The following AFF1 variants were observed in gnomAD, a reference collection of about 807,000 sequenced individuals.
The protein encoded by AFF1 is AF4/FMR2 family member 1.
A neutral mutation model predicts 121.7 loss-of-function variants in AFF1; 48 were observed. The observed-to-expected ratio is 0.39, with a 90% CI of 0.31 to 0.50. The LOEUF (loss-of-function observed/expected upper bound fraction) is 0.50, where lower values mean the gene tolerates loss of function less well. Among genes scored for constraint, AFF1 ranks in the 20% least tolerant of loss-of-function variants. AFF1 has a pLI of 0.76. For synonymous variants in AFF1, 613 were observed against 563.0 expected, an observed-to-expected ratio of 1.09 and a Z score of -1.26; for missense variants, 1,523 against 1,511.7, an observed-to-expected ratio of 1.01 and a Z score of -0.12.
chr4:86,976,592 A>G (rs1723319112), intron 2 of AFF1, among the ~76,000 whole-genome samples: 2 of 152,304 alleles, frequency 1.3e-5, no homozygotes, highest in East Asian at 3.9e-4. Context: ...AAAGAAGGGA[A>G]CAACAGACCC....
intron 2 of AFF1, among the ~76,000 whole-genome samples, chr4:86,985,030 T>C (rs1158154302): frequency 1.3e-5 from 2 of 149,756 alleles, no homozygotes; most frequent in Middle Eastern, 3.5e-3. Flanking sequence ...AGAAAAGAGA[T>C]ACAAACAAAA....
intron 4 of AFF1, among the ~76,000 whole-genome samples, chr4:87,082,007 AG>A (rs1723232159): frequency 1.3e-5 from 2 of 152,138 alleles, no homozygotes; most frequent in African/African-American, 4.8e-5. Context: ...AGTCTCTTGA[AG>A]GGTGTGGCTT....
intron 12 of AFF1, among the ~76,000 whole-genome samples, chr4:87,123,817 G>T (rs190934365): frequency 4.0e-4 from 61 of 152,298 alleles, no homozygotes; most frequent in African/African-American, 1.2e-3. Context: ...GGAAAACTGG[G>T]ACCTCCCACA....
chr4:86,961,626 C>T (rs1374422271), intron 2 of AFF1, among the ~76,000 whole-genome samples: 1 of 149,694 alleles, frequency 6.7e-6, no homozygotes, highest in Non-Finnish European at 1.5e-5. Flanking sequence ...ACTACTGAGT[C>T]ATATGGCAGG....
intron 2 of AFF1, among the ~76,000 whole-genome samples, chr4:87,011,689 A>G (rs1249151750): frequency 1.3e-5 from 2 of 151,032 alleles, no homozygotes; most frequent in African/African-American, 5.0e-5. Context: ...TTCTTGTGAC[A>G]CCATTGTAAA....
chr4:86,972,918 A>G (rs1400934605), intron 2 of AFF1, among the ~76,000 whole-genome samples: 3 of 152,208 alleles, frequency 2.0e-5, no homozygotes, highest in African/African-American at 4.8e-5. Context: ...AAAGTGCATT[A>G]GTAACCCCCA....
intron 12 of AFF1, among the ~76,000 whole-genome samples, chr4:87,122,881 TA>T (rs3036188): frequency 0.35 from 33,541 of 96,240 alleles, 5,055 homozygotes; most frequent in South Asian, 0.48. Context: ...GGAAAATTAG[TA>T]AAAAAAAAAA....
At chr4:87,018,000 C>A (rs946097262) in intron 2 of AFF1, among the ~76,000 whole-genome samples, 6 of 151,728 alleles carry the variant, frequency 4.0e-5, no homozygotes, top group Non-Finnish European at 5.9e-5. Context: ...CCTTTATGAG[C>A]CTTTCAAGTG....
At position 86,935,079 on chromosome 4, in the gene AFF1, C is replaced by T. The variant is rs914616008; in HGVS notation, c.-198C>T. On this transcript the variant is annotated 5_prime_UTR_variant, in exon 1 of 21. Coordinates refer to ENST00000395146, the MANE Select transcript of AFF1 (RefSeq NM_001166693.3). ...GGCCGCCGCCTGCGCGCGTTGCGGC[C>T]GCAGCTGCACCTTTGCCTCCGCGGT... 1.2e-4 allele frequency: 19 copies of T among 152,194 alleles called. No individual in the cohort carries two copies. Among genetic ancestry groups the T allele is most frequent in the Non-Finnish European group, 1.6e-4 (11 of 67,992 alleles). The allele number at this position is 152,194 out of a possible 1,614,324, so 9.4% of individuals were successfully genotyped here.
At position 86,949,534 on chromosome 4, in the gene AFF1, ATTATTTTTTT is replaced by A. The variant is rs149756210; in HGVS notation, c.38+966_38+975del. On this transcript the variant is annotated intron_variant, in intron 2 of 20. Coordinates refer to ENST00000395146, the MANE Select transcript of AFF1 (RefSeq NM_001166693.3). ...TTTCTATTTATTAATTATTATTATT[ATTATTTTTTT>A]TTTTTTTTTTTTCCCGACTGGGGCA... is the stretch of plus-strand genomic sequence containing the variant. 728 of 347,350 alleles carry A rather than the reference ATTATTTTTTT, an allele frequency of 2.1e-3. 6 individuals carry two copies. The African/African-American group carries it at 0.021, about 10-fold the overall frequency. 21.5% of individuals were successfully genotyped at this position (347,350 alleles called of 1,614,324 possible).
At chr4:86,944,529 A>G (rs1438854524) in intron 1 of AFF1, among the ~76,000 whole-genome samples, 2 of 152,074 alleles carry the variant, frequency 1.3e-5, no homozygotes, top group African/African-American at 4.8e-5. Context: ...TATTTTTAGT[A>G]GAGATGGGGT....
intron 2 of AFF1, among the ~76,000 whole-genome samples, chr4:87,023,274 T>C (rs1027802817): frequency 1.3e-5 from 2 of 152,284 alleles, no homozygotes; most frequent in African/African-American, 2.4e-5. Context: ...TGTTTAGTTT[T>C]TGTTTTTTGG....
chr4:87,077,524 T>G (rs1246459634), intron 4 of AFF1, among the ~76,000 whole-genome samples: 1 of 152,148 alleles, frequency 6.6e-6, no homozygotes, highest in African/African-American at 2.4e-5. Flanking sequence ...AGGTCAGAAT[T>G]TAAAAGGTTA....
chr4:87,040,381 G>A (rs1730011378), intron 2 of AFF1, among the ~76,000 whole-genome samples: 1 of 152,106 alleles, frequency 6.6e-6, no homozygotes, highest in Admixed American at 6.5e-5. Context: ...ACCTTTTTGA[G>A]ACTAAAGAAA....
intron 12 of AFF1, among the ~76,000 whole-genome samples, chr4:87,123,285 A>G (rs1727899749): frequency 6.6e-6 from 1 of 152,208 alleles, no homozygotes; most frequent in African/African-American, 2.4e-5. Context: ...CATCAGTAAA[A>G]AAATCAATAT....
chr4:87,025,489 A>G (rs756334703), intron 2 of AFF1, among the ~76,000 whole-genome samples: 8 of 152,150 alleles, frequency 5.3e-5, no homozygotes, highest in Admixed American at 1.3e-4. Flanking sequence ...TCCGTCCTGC[A>G]TTATTGTGGT....
chr4:87,042,531 AAACTCATCC>A (rs1279424306), intron 2 of AFF1, among the ~76,000 whole-genome samples: 1 of 152,218 alleles, frequency 6.6e-6, no homozygotes, highest in Non-Finnish European at 1.5e-5. Flanking sequence ...GGACCTCATA[AAACTCATCC>A]TACCAGTGAT....
intron 3 of AFF1, 83 bp from the exon 4 acceptor site, chr4:87,046,612 C>A (rs1730717386): frequency 1.4e-6 from 2 of 1,412,004 alleles, no homozygotes; most frequent in Non-Finnish European, 1.9e-6. Context: ...GAGTTTTTTC[C>A]TTAATAGTAT....
intron 2 of AFF1, among the ~76,000 whole-genome samples, chr4:86,990,908 T>C (rs1724650983): frequency 6.6e-6 from 1 of 152,154 alleles, no homozygotes; most frequent in Non-Finnish European, 1.5e-5. Flanking sequence ...TCCCAGCACT[T>C]TCGGAGGCCG....
Sources: allele counts gnomAD v4.1 joint callset (sites outside exome capture counted in the v4.1 genomes callset), GRCh38; gene constraint gnomAD v4.1.1; transcripts MANE v1.5; gene names NCBI Gene and HGNC (gene_info 2026-07-23, HGNC 2026-07-21).